Variants in HDAC4 observed in about 807,000 individuals in gnomAD.
HDAC4 encodes the protein histone deacetylase 4.
In HDAC4, 16 loss-of-function variants were observed where a neutral mutation model predicts 135.1. The observed-to-expected ratio is 0.12, with a 90% CI of 0.08 to 0.18. The LOEUF (loss-of-function observed/expected upper bound fraction) is 0.18, where lower values mean the gene tolerates loss of function less well. HDAC4 is among the 10% of genes least tolerant of loss of function. The pLI is 1.00. For synonymous variants in HDAC4, 685 were observed against 653.4 expected (o/e 1.05, Z -0.74); for missense variants, 1,143 against 1,511.8 (o/e 0.76, Z 4.05).
At position 239,115,197 on chromosome 2, in the gene HDAC4, C is replaced by G. The variant is rs765354773; in HGVS notation, c.1647G>C (p.Leu549=). Residue 549 remains leucine, a synonymous_variant, in exon 13 of 27, where the codon CTG becomes CTC. Coordinates refer to ENST00000543185, the MANE Select transcript of HDAC4 (RefSeq NM_001378414.1). This position sits in a 1 kb window ranked among gnomAD's most constrained non-coding sequence, Gnocchi z 6.3. ...ALLDEPYLDR[L]PGQKEAHAQA... ...GTGCGTGCGCCTCCTTCTGCCCCGG[C>G]AGCCGGTCCAGGTAGGGCTCGTCCA... 3.1e-6 allele frequency: 5 copies of G among 1,611,414 alleles called. No homozygotes were observed. Among genetic ancestry groups the G allele is most frequent in the Non-Finnish European group, 4.2e-6 (5 of 1,179,916 alleles).
intron 25 of HDAC4, among the ~76,000 whole-genome samples, chr2:239,053,961 C>T (rs1239422720): frequency 6.6e-6 from 1 of 151,936 alleles, no homozygotes; most frequent in African/African-American, 2.4e-5. Context: ...GCCTTCCTAT[C>T]TCTGGGAGCA....
rs965528575 is a variant in HDAC4 at position 239,324,570 on chromosome 2, A to C, written c.22+28108T>G. On this transcript the variant is annotated intron_variant, in intron 2 of 26. Coordinates refer to ENST00000543185, the MANE Select transcript of HDAC4 (RefSeq NM_001378414.1). ...CCCGCTTCAGTGCAGCAGCCAGCAC[A>C]CTCAGGACCCCCAGGCAGATAGCAC... Among the ~76,000 whole-genome samples, 6 of 152,342 alleles carry C rather than the reference A, an allele frequency of 3.9e-5. No individual in the cohort carries two copies. The East Asian group carries it at 1.2e-3, about 29-fold the overall frequency.
intron 2 of HDAC4, among the ~76,000 whole-genome samples, chr2:239,282,992 C>A (rs1559325345): frequency 6.6e-6 from 1 of 151,632 alleles, no homozygotes; most frequent in Non-Finnish European, 1.5e-5. Flanking sequence ...ACGTACCACT[C>A]TACAATGTAC....
intron 2 of HDAC4, among the ~76,000 whole-genome samples, chr2:239,244,770 G>C (rs2048376695): frequency 6.6e-6 from 1 of 152,120 alleles, no homozygotes; most frequent in African/African-American, 2.4e-5. Context: ...TCAGCCTCCT[G>C]CTTTGCTGAG....
At chr2:239,214,318 T>A (rs1467526055) in intron 3 of HDAC4, among the ~76,000 whole-genome samples, 2 of 152,160 alleles carry the variant, frequency 1.3e-5, no homozygotes, top group Non-Finnish European at 2.9e-5. Flanking sequence ...ATACCTCCTC[T>A]GACTCCGATC....
At chr2:239,274,262 A>C (rs781337494) in intron 2 of HDAC4, among the ~76,000 whole-genome samples, 6 of 152,212 alleles carry the variant, frequency 3.9e-5, no homozygotes, top group Non-Finnish European at 7.3e-5. Flanking sequence ...CAATTGTGGA[A>C]GGTTACACCC....
intron 2 of HDAC4, among the ~76,000 whole-genome samples, chr2:239,282,785 C>CCTCTACACACAATGTACACACCA (rs1559324938): frequency 1.4e-5 from 2 of 143,310 alleles, no homozygotes; most frequent in South Asian, 2.3e-4. Flanking sequence ...TGTACACACC[C>CCTCTACACACAATGTACACACCA]CTCTACACAC....
At chr2:239,354,782 G>C (rs56414137) in intron 1 of HDAC4, among the ~76,000 whole-genome samples, 18,290 of 151,508 alleles carry the variant, frequency 0.12, 2,881 homozygotes, top group East Asian at 0.68. Context: ...TTGTCTTCAG[G>C]GTCAGAATGT....
rs990933401 is a variant in HDAC4 at position 239,245,352 on chromosome 2, G to A, written c.23-8688C>T. Among the ~76,000 whole-genome samples the A allele has an allele frequency of 6.6e-6, 1 of 152,194 alleles. No individual in the cohort carries two copies. Among genetic ancestry groups the A allele is most frequent in the East Asian group, 1.9e-4 (1 of 5,192 alleles). ...CAAAGGACTCAGTGAGGCGGAGAGT[G>A]GGCAGGGGAAATTTCAGATATGCCC... On this transcript the variant is annotated intron_variant, in intron 2 of 26. Coordinates refer to ENST00000543185, the MANE Select transcript of HDAC4 (RefSeq NM_001378414.1). This position sits in a 1 kb window ranked among gnomAD's most constrained non-coding sequence, Gnocchi z 4.4.
chr2:239,132,293 G>C (rs1167941260), intron 11 of HDAC4, among the ~76,000 whole-genome samples: 1 of 152,248 alleles, frequency 6.6e-6, no homozygotes, highest in Non-Finnish European at 1.5e-5. Context: ...CATGGAGCAG[G>C]AGAAAGCTGG....
At chr2:239,381,398 A>AT (rs139144572) in intron 1 of HDAC4, among the ~76,000 whole-genome samples, 11,598 of 152,226 alleles carry the variant, frequency 0.076, 1,496 homozygotes, top group African/African-American at 0.26. Flanking sequence ...ATCGAAACCC[A>AT]TTTTTCAAAT....
intron 2 of HDAC4, among the ~76,000 whole-genome samples, chr2:239,345,271 C>T (rs898008211): frequency 6.6e-6 from 1 of 152,134 alleles, no homozygotes; most frequent in African/African-American, 2.4e-5. Context: ...TACTCCTGGC[C>T]GGATACAATG....
chr2:239,386,092 GACAAT>G, intron 1 of HDAC4, among the ~76,000 whole-genome samples: 1 of 152,220 alleles, frequency 6.6e-6, no homozygotes, highest in East Asian at 1.9e-4. Context: ...TTTTACTCTA[GACAAT>G]GATGAGCCAC....
In HDAC4 at chr2:239,163,901, C is replaced by T. The variant is rs760977818; in HGVS notation, c.513G>A (p.Val171=). ...GKESAVASTE[V]KMKLQEFVLN... is the part of the protein sequence containing the mutation. ...GGACAAATTCTTGTAACTTCATCTT[C>T]ACTTCTGTGCTGGCCACGGCACCTG... The change falls in exon 6 of 27, where the codon GTG becomes GTA. Residue 171 remains valine, a synonymous_variant. Transcript: ENST00000543185. 4.5e-5 allele frequency: 73 copies of T among 1,614,028 alleles called. No individual in the cohort carries two copies. The highest frequency in any genetic ancestry group is 5.6e-5 in the Non-Finnish European group (66 of 1,180,038).
At chr2:239,383,681 G>A (rs1338688853) in intron 1 of HDAC4, among the ~76,000 whole-genome samples, 12 of 152,048 alleles carry the variant, frequency 7.9e-5, no homozygotes, top group South Asian at 6.2e-4. Context: ...CAACGACACC[G>A]CCTCAGCAGC....
intron 1 of HDAC4, among the ~76,000 whole-genome samples, chr2:239,375,224 G>A (rs1039879691): frequency 3.3e-5 from 5 of 152,236 alleles, no homozygotes; most frequent in South Asian, 2.1e-4. Flanking sequence ...AGAGCCAGGG[G>A]CCTGGGAATC....
chr2:239,223,306 G>A (rs1183726425), intron 3 of HDAC4, among the ~76,000 whole-genome samples: 1 of 152,224 alleles, frequency 6.6e-6, no homozygotes, highest in Non-Finnish European at 1.5e-5. Context: ...GCCTGAAGGA[G>A]GTAGCCCCTC....
chr2:239,394,296 A>G (rs1216895418), intron 1 of HDAC4, among the ~76,000 whole-genome samples: 3 of 152,236 alleles, frequency 2.0e-5, no homozygotes, highest in Non-Finnish European at 2.9e-5. Flanking sequence ...AACAGAGCAG[A>G]CTCCAAAATG....
intron 2 of HDAC4, among the ~76,000 whole-genome samples, chr2:239,336,026 CAATGA>C (rs1260994667): frequency 2.0e-5 from 3 of 152,174 alleles, no homozygotes; most frequent in Admixed American, 6.5e-5. Flanking sequence ...TATGTTCATA[CAATGA>C]AATATTATAT....
Sources: allele counts gnomAD v4.1 joint callset (sites outside exome capture counted in the v4.1 genomes callset), GRCh38; gene constraint gnomAD v4.1.1; non-coding constraint Gnocchi (gnomAD v3.1); transcripts MANE v1.5; gene names NCBI Gene and HGNC (gene_info 2026-07-23, HGNC 2026-07-21).